PITPNC1: variants seen among roughly 807,000 people sequenced by gnomAD.
PITPNC1 encodes cytoplasmic phosphatidylinositol transfer protein 1.
Under a neutral mutation model 44.7 loss-of-function variants are expected in PITPNC1, and 18 were observed. The observed-to-expected ratio is 0.40, with a 90% CI of 0.28 to 0.60. The LOEUF is 0.60. PITPNC1 is among the 20% of genes least tolerant of loss of function. The probability of loss-of-function intolerance (pLI) is 0.39; values close to 1 mark genes in which losing one functional copy is unlikely to be tolerated. For missense variants in PITPNC1, 290 were observed against 418.4 expected (o/e 0.69, Z 2.68); for synonymous variants, 141 against 149.6 (o/e 0.94, Z 0.42).
At chr17:67,646,990 C>T (rs569592335) in intron 6 of PITPNC1, among the ~76,000 whole-genome samples, 7 of 152,150 alleles carry the variant, frequency 4.6e-5, no homozygotes, top group East Asian at 1.9e-4. Context: ...TAAAGCTAGA[C>T]GTACAAACAA....
intron 5 of PITPNC1, among the ~76,000 whole-genome samples, chr17:67,625,525 G>T (rs1165572631): frequency 6.6e-6 from 1 of 152,176 alleles, no homozygotes; most frequent in Non-Finnish European, 1.5e-5. Flanking sequence ...GCCCGGTGAA[G>T]CCACTGCTTG....
chr17:67,649,644 G>T (rs1026240116), intron 6 of PITPNC1, among the ~76,000 whole-genome samples: 5 of 152,070 alleles, frequency 3.3e-5, no homozygotes, highest in African/African-American at 1.2e-4. Flanking sequence ...CAGCACTTTG[G>T]GAGGCCAAGG....
At chr17:67,608,666 GTT>G (rs373586575) in intron 5 of PITPNC1, among the ~76,000 whole-genome samples, 18 of 128,024 alleles carry the variant, frequency 1.4e-4, no homozygotes, top group Admixed American at 2.4e-4. Flanking sequence ...AGTTTTTCTA[GTT>G]TTTTTTTTTT....
chr17:67,590,601 A>G (rs1744455397), intron 5 of PITPNC1, among the ~76,000 whole-genome samples: 1 of 152,212 alleles, frequency 6.6e-6, no homozygotes, highest in Non-Finnish European at 1.5e-5. Flanking sequence ...GAGGAACAGG[A>G]TATTTACATG....
intron 5 of PITPNC1, among the ~76,000 whole-genome samples, chr17:67,582,550 T>C (rs937205741): frequency 6.6e-6 from 1 of 151,178 alleles, no homozygotes; most frequent in African/African-American, 2.4e-5. Flanking sequence ...TCAATTACCA[T>C]ATAAGTAATT....
At chr17:67,378,567 C>T (rs981240972) in intron 1 of PITPNC1, among the ~76,000 whole-genome samples, 1 of 152,170 alleles carries the variant, frequency 6.6e-6, no homozygotes, top group African/African-American at 2.4e-5. Flanking sequence ...GGGGGCATCC[C>T]GTCCTGGCCG....
intron 1 of PITPNC1, among the ~76,000 whole-genome samples, chr17:67,392,301 G>A (rs926993427): frequency 2.0e-5 from 3 of 152,148 alleles, no homozygotes; most frequent in East Asian, 1.9e-4. Flanking sequence ...AGATGGCTGC[G>A]CCTTGGAAAC....
At chr17:67,572,628 G>A (rs1460987945) in intron 4 of PITPNC1, among the ~76,000 whole-genome samples, 8 of 151,916 alleles carry the variant, frequency 5.3e-5, no homozygotes, top group Non-Finnish European at 7.4e-5. Context: ...AAGGAGATAC[G>A]CGCTGTGATA....
At chr17:67,654,839 T>C (rs2042245995) in intron 6 of PITPNC1, among the ~76,000 whole-genome samples, 1 of 152,086 alleles carries the variant, frequency 6.6e-6, no homozygotes, top group East Asian at 1.9e-4. Flanking sequence ...TTCACCATAT[T>C]GGCCAGGCTG....
At chr17:67,413,209 C>T (rs1233299365) in intron 1 of PITPNC1, among the ~76,000 whole-genome samples, 1 of 152,142 alleles carries the variant, frequency 6.6e-6, no homozygotes, top group South Asian at 2.1e-4. Context: ...TTGATTCAGT[C>T]GTTCTGAGGA....
chr17:67,438,462 C>T (rs2038967816), intron 1 of PITPNC1, among the ~76,000 whole-genome samples: 1 of 152,038 alleles, frequency 6.6e-6, no homozygotes, highest in Non-Finnish European at 1.5e-5. Context: ...ATTACAGGCA[C>T]CTGTCACCAT....
intron 1 of PITPNC1, among the ~76,000 whole-genome samples, chr17:67,405,086 A>G (rs1458289471): frequency 6.6e-6 from 1 of 152,096 alleles, no homozygotes; most frequent in Non-Finnish European, 1.5e-5. Context: ...GTGTCTACTA[A>G]AAATACAAAA....
At chr17:67,582,650 G>A (rs890293074) in intron 5 of PITPNC1, among the ~76,000 whole-genome samples, 3 of 151,770 alleles carry the variant, frequency 2.0e-5, no homozygotes, top group Non-Finnish European at 4.4e-5. Flanking sequence ...ACCAGTATAC[G>A]TATGATTGTG....
intron 1 of PITPNC1, among the ~76,000 whole-genome samples, chr17:67,400,789 A>G (rs1420726899): frequency 6.7e-6 from 1 of 150,058 alleles, no homozygotes; most frequent in African/African-American, 2.4e-5. Flanking sequence ...TTTATTACAT[A>G]TAACTATATA....
chr17:67,480,461 A>G (rs1016083625), intron 1 of PITPNC1, among the ~76,000 whole-genome samples: 2 of 152,214 alleles, frequency 1.3e-5, no homozygotes, highest in African/African-American at 4.8e-5. Context: ...TCAACGTCCA[A>G]CAATGAAAGA....
intron 5 of PITPNC1, among the ~76,000 whole-genome samples, chr17:67,610,194 C>T (rs562062313): frequency 6.6e-6 from 1 of 152,114 alleles, no homozygotes. Context: ...TCAGGCCCCA[C>T]CCTAGACCCA....
At chr17:67,380,310 G>A (rs2037938882) in intron 1 of PITPNC1, among the ~76,000 whole-genome samples, 1 of 152,050 alleles carries the variant, frequency 6.6e-6, no homozygotes, top group African/African-American at 2.4e-5. Context: ...CCTGACCTCA[G>A]GCAATCCGCC....
At position 67,676,818 on chromosome 17, in the gene PITPNC1, TTC is replaced by T. The variant is rs1191383084; in HGVS notation, c.682+1278_682+1279del. ...GCATGGTTCTATAAGCTATGGGCTT[TTC>T]TTTTTTTTTTCTTTTTTTCTTACCT... On this transcript the variant is annotated intron_variant, in intron 8 of 8. Transcript: ENST00000581322. The surrounding 1 kb of genome is among the most constrained non-coding windows in gnomAD (Gnocchi z 4.0). Among the ~76,000 whole-genome samples the T allele has an allele frequency of 6.6e-6, 1 of 151,962 alleles. No individual in the cohort carries two copies. Among genetic ancestry groups the T allele is most frequent in the Non-Finnish European group, 1.5e-5 (1 of 68,002 alleles).
intron 6 of PITPNC1, among the ~76,000 whole-genome samples, chr17:67,640,089 T>C (rs914115655): frequency 6.6e-6 from 1 of 152,090 alleles, no homozygotes; most frequent in African/African-American, 2.4e-5. Context: ...CTTTTTTTTT[T>C]TCCCGTTTCC....
Sources: allele counts gnomAD v4.1 joint callset (sites outside exome capture counted in the v4.1 genomes callset), GRCh38; gene constraint gnomAD v4.1.1; non-coding constraint Gnocchi (gnomAD v3.1); transcripts MANE v1.5; gene names NCBI Gene and HGNC (gene_info 2026-07-23, HGNC 2026-07-21).